Variants in PLCL2 observed in about 807,000 individuals in gnomAD.
PLCL2 encodes inactive phospholipase C-like protein 2.
Under a neutral mutation model 79.6 loss-of-function variants are expected in PLCL2, and 4 were observed. The observed-to-expected ratio is 0.05, with a 90% confidence interval of 0.02 to 0.11. The LOEUF (loss-of-function observed/expected upper bound fraction) is 0.11, where lower values mean the gene tolerates loss of function less well. Among genes scored for constraint, PLCL2 ranks in the 10% least tolerant of loss-of-function variants. The pLI, the probability that PLCL2 is intolerant of heterozygous loss-of-function variation, is 1.00. For synonymous variants in PLCL2, 484 were observed against 457.7 expected (o/e 1.06, Z -0.73); for missense variants, 895 against 1,291.0 (o/e 0.69, Z 4.70).
chr3:17,046,760 A>G (rs1340836679), intron 4 of PLCL2, among the ~76,000 whole-genome samples: 5 of 152,138 alleles, frequency 3.3e-5, no homozygotes, highest in African/African-American at 9.7e-5. Flanking sequence ...AGGAACCTCA[A>G]TCTGAAGCTG....
chr3:17,060,680 T>C (rs548071701), intron 4 of PLCL2, among the ~76,000 whole-genome samples: 10 of 152,300 alleles, frequency 6.6e-5, no homozygotes, highest in South Asian at 4.1e-4. Context: ...CTCTAAGTAG[T>C]GTGATATCAT....
chr3:16,964,116 G>A (rs1311217410), intron 1 of PLCL2, among the ~76,000 whole-genome samples: 2 of 152,022 alleles, frequency 1.3e-5, no homozygotes, highest in African/African-American at 4.8e-5. Flanking sequence ...TTGGTGTGCT[G>A]CACCCATTAA....
At chr3:17,079,045 T>C (rs1438849676) in intron 5 of PLCL2, among the ~76,000 whole-genome samples, 1 of 152,190 alleles carries the variant, frequency 6.6e-6, no homozygotes, top group Non-Finnish European at 1.5e-5. Context: ...CATGTGGAGT[T>C]TGTGATTACT....
chr3:17,031,170 C>G (rs926731441), intron 3 of PLCL2, among the ~76,000 whole-genome samples: 9 of 152,114 alleles, frequency 5.9e-5, no homozygotes, highest in Admixed American at 1.3e-4. Flanking sequence ...GGTTTTGAAC[C>G]ATTCTCATCA....
chr3:16,942,934 G>A (rs1453137200), intron 1 of PLCL2, among the ~76,000 whole-genome samples: 1 of 152,136 alleles, frequency 6.6e-6, no homozygotes, highest in Non-Finnish European at 1.5e-5. Flanking sequence ...CTTTATCCCT[G>A]TAGGCATAGC....
intron 4 of PLCL2, among the ~76,000 whole-genome samples, chr3:17,052,843 T>A (rs1387076086): frequency 6.6e-6 from 1 of 152,220 alleles, no homozygotes; most frequent in Non-Finnish European, 1.5e-5. Flanking sequence ...CTTTTCTTTA[T>A]CTTACCTTAT....
chr3:16,945,862 C>T (rs112786843), intron 1 of PLCL2, among the ~76,000 whole-genome samples: 14 of 152,338 alleles, frequency 9.2e-5, no homozygotes, highest in Admixed American at 2.6e-4. Flanking sequence ...ATTTACCCAT[C>T]GCTTCCTTTT....
At chr3:16,979,385 A>G (rs1227757601) in intron 1 of PLCL2, among the ~76,000 whole-genome samples, 1 of 126,580 alleles carries the variant, frequency 7.9e-6, no homozygotes, top group Admixed American at 8.3e-5. Context: ...TTTCTCGCAG[A>G]GGGGGATTTG....
intron 5 of PLCL2, among the ~76,000 whole-genome samples, chr3:17,073,183 C>T (rs2065077019): frequency 1.3e-5 from 2 of 152,160 alleles, no homozygotes; most frequent in Non-Finnish European, 2.9e-5. Context: ...AGTGTATGTA[C>T]AGGCGTACCT....
intron 4 of PLCL2, among the ~76,000 whole-genome samples, chr3:17,045,248 A>G (rs1296692071): frequency 6.6e-6 from 1 of 152,174 alleles, no homozygotes; most frequent in East Asian, 1.9e-4. Flanking sequence ...AGAGAGGATT[A>G]TTTTAGATGT....
intron 1 of PLCL2, among the ~76,000 whole-genome samples, chr3:16,940,266 A>G (rs182598661): frequency 6.6e-6 from 1 of 152,192 alleles, no homozygotes; most frequent in Admixed American, 6.5e-5. Flanking sequence ...CAGCCTCTGA[A>G]CCTGTTCACT....
chr3:16,964,186 C>T (rs920202592), intron 1 of PLCL2, among the ~76,000 whole-genome samples: 6 of 142,468 alleles, frequency 4.2e-5, no homozygotes, highest in South Asian at 4.9e-4. Flanking sequence ...CCCCTCCCCA[C>T]GACAGGCCCC....
At chr3:16,955,667 A>G (rs1010110939) in intron 1 of PLCL2, among the ~76,000 whole-genome samples, 8 of 152,270 alleles carry the variant, frequency 5.3e-5, no homozygotes, top group African/African-American at 1.9e-4. Context: ...TGAGCATGGA[A>G]TGTTCTTCCA....
At chr3:16,958,604 T>C (rs2063727722) in intron 1 of PLCL2, among the ~76,000 whole-genome samples, 1 of 152,238 alleles carries the variant, frequency 6.6e-6, no homozygotes, top group South Asian at 2.1e-4. Context: ...AAAAAACTAA[T>C]GGACCAATTT....
intron 1 of PLCL2, among the ~76,000 whole-genome samples, chr3:16,980,627 G>A (rs1267931236): frequency 4.6e-5 from 7 of 152,002 alleles, no homozygotes; most frequent in Non-Finnish European, 7.4e-5. Context: ...TGGCAGCCGG[G>A]CAGAGACGCT....
rs191312894 is a variant in PLCL2 at position 17,043,355 on chromosome 3, G to C, written c.3094+406G>C. On this transcript the variant is annotated intron_variant, in intron 4 of 5. Coordinates refer to ENST00000615277, the MANE Select transcript of PLCL2 (RefSeq NM_001144382.2). ...AGAGGGAGAATGGCTTCTTGTAAAG[G>C]AGATGGATTCCAGTTACAACCTCCT... Among the ~76,000 whole-genome samples, 319 of 152,258 alleles carry C rather than the reference G, an allele frequency of 2.1e-3. 3 individuals carry two copies. Among genetic ancestry groups the C allele is most frequent in the Non-Finnish European group, 3.7e-3 (250 of 68,002 alleles).
chr3:17,028,405 G>C (rs2124907053), intron 3 of PLCL2, among the ~76,000 whole-genome samples: 1 of 151,880 alleles, frequency 6.6e-6, no homozygotes, highest in African/African-American at 2.4e-5. Flanking sequence ...CCTTACTGTT[G>C]TTTATGCTAT....
At chr3:16,993,308 G>T (rs961314619) in intron 1 of PLCL2, among the ~76,000 whole-genome samples, 1 of 152,154 alleles carries the variant, frequency 6.6e-6, no homozygotes. Context: ...GGGTAATATA[G>T]TTCACCAGTT....
chr3:16,942,385 G>A (rs553723304), intron 1 of PLCL2, among the ~76,000 whole-genome samples: 161 of 152,324 alleles, frequency 1.1e-3, no homozygotes, highest in African/African-American at 3.8e-3. Flanking sequence ...AGGAAGGAAA[G>A]AGTGGCAGGT....
Sources: gnomAD v4.1 joint callset for allele counts (sites outside exome capture counted in the v4.1 genomes callset) on GRCh38, gnomAD v4.1.1 for gene constraint, MANE v1.5 for transcripts, NCBI Gene and HGNC (gene_info 2026-07-23, HGNC 2026-07-21) for gene names.